The following SLC36A2 variants were observed in gnomAD, a reference collection of about 807,000 sequenced individuals.
SLC36A2 encodes the protein proton-coupled amino acid transporter 2.
A neutral mutation model predicts 42.7 loss-of-function variants in SLC36A2; 39 were observed. That is an observed-to-expected ratio of 0.91 (90% confidence interval 0.71 to 1.19). SLC36A2 has a LOEUF of 1.19. Among genes scored for constraint, SLC36A2 ranks in the 50% most tolerant of loss-of-function variants. The pLI is 0.00. For missense variants in SLC36A2, 590 were observed against 613.7 expected, an observed-to-expected ratio of 0.96 and a Z score of 0.41; for synonymous variants, 237 against 240.8, an observed-to-expected ratio of 0.98 and a Z score of 0.15.
chr5:151,316,765 AG>A lies in SLC36A2; in HGVS notation c.*51del. The A allele has an allele frequency of 2.5e-6, 3 of 1,198,408 alleles. No individual in the cohort carries two copies. The highest frequency in any genetic ancestry group is 3.6e-6 in the Non-Finnish European group (3 of 832,014). The allele number at this position is 1,198,408 out of a possible 1,614,324, so 74.2% of individuals were successfully genotyped here. A position where few individuals can be genotyped will look rare whatever the true frequency, so the allele number is the denominator to read the frequency against. On this transcript the variant is annotated 3_prime_UTR_variant, in exon 10 of 10. Coordinates refer to ENST00000335244, the MANE Select transcript of SLC36A2 (RefSeq NM_181776.3). ...CAAAAAAAAAAAAAAAAAAAAAAAGAGATCCATATAATTAAAAGTCGGGTGC... is the reference window on the plus strand; with the variant it reads ...CAAAAAAAAAAAAAAAAAAAAAAAGAATCCATATAATTAAAAGTCGGGTGC...
At position 151,343,594 on chromosome 5, in the gene SLC36A2, C is replaced by T; in HGVS notation, c.260G>A (p.Gly87Asp). 1 of 1,613,904 alleles carries T rather than the reference C, an allele frequency of 6.2e-7. No individual in the cohort carries two copies. The highest frequency in any genetic ancestry group is 8.5e-7 in the Non-Finnish European group (1 of 1,179,932). ...GCCCATCACCAGCAGACTGAGTGGG[C>T]CCATCTGGAGGAAGGGGAGGCAAGG... ...LAVKNAGILM[G>D]PLSLLVMGFI... The change falls in exon 3 of 10, where the codon GGC becomes GAC. Residue 87 changes from glycine (G) to aspartate (D), a missense_variant. By Grantham distance (94) the Gly-to-Asp change is moderately conservative (BLOSUM62 -1). Coordinates refer to ENST00000335244, the MANE Select transcript of SLC36A2 (RefSeq NM_181776.3).
At chr5:151,325,146 C>T (rs1755814775) in intron 8 of SLC36A2, 140 bp downstream of exon 8, 7 of 970,954 alleles carry the variant, frequency 7.2e-6, no homozygotes, top group South Asian at 4.2e-5. Context: ...ATCTGGAGAC[C>T]GTGGTTCCAA....
At chr5:151,323,558 G>A (rs535274271) in intron 8 of SLC36A2, among the ~76,000 whole-genome samples, 1 of 152,180 alleles carries the variant, frequency 6.6e-6, no homozygotes, top group African/African-American at 2.4e-5. Context: ...ACAACCACAA[G>A]CTAGTAGGCA....
At chr5:151,345,967 A>T (rs1281750270) in intron 1 of SLC36A2, among the ~76,000 whole-genome samples, 2 of 152,156 alleles carry the variant, frequency 1.3e-5, no homozygotes, top group Non-Finnish European at 2.9e-5. Flanking sequence ...AAGTTCCAGC[A>T]TTTGCTCTAG....
chr5:151,340,095 AGAGGAGAAGGAGGAGGAAGAAGAG>A (rs1404976965), intron 4 of SLC36A2, among the ~76,000 whole-genome samples: 14 of 149,058 alleles, frequency 9.4e-5, no homozygotes, highest in African/African-American at 2.0e-4. Flanking sequence ...GAGAGGAAAA[AGAGGAGAAGGAGGAGGAAGAAGAG>A]GAGGAGAAGG....
intron 8 of SLC36A2, among the ~76,000 whole-genome samples, chr5:151,324,581 C>T (rs1755798022): frequency 6.6e-6 from 1 of 152,178 alleles, no homozygotes; most frequent in South Asian, 2.1e-4. Flanking sequence ...ATCCACCCAC[C>T]CTGGCCTCCC....
chr5:151,340,135 GA>G (rs1756282762), intron 4 of SLC36A2, among the ~76,000 whole-genome samples: 3 of 129,990 alleles, frequency 2.3e-5, no homozygotes, highest in Non-Finnish European at 4.5e-5. Flanking sequence ...GAAGGAGGAG[GA>G]AGAAGAGGAG....
At chr5:151,325,523 T>G in intron 7 of SLC36A2, 71 bp from the exon 8 acceptor site, 6 of 1,491,634 alleles carry the variant, frequency 4.0e-6, no homozygotes, top group Non-Finnish European at 5.6e-6. Flanking sequence ...ATTCCACTTC[T>G]GGATGTCTAC....
intron 1 of SLC36A2, among the ~76,000 whole-genome samples, chr5:151,345,632 G>T (rs116668087): frequency 0.011 from 1,686 of 152,226 alleles, 27 homozygotes; most frequent in African/African-American, 0.038. Context: ...CACCCTACTC[G>T]CCAGGCTAGC....
Position 151,322,027 on chromosome 5 carries a change from C to T in SLC36A2, c.1180+19G>A, listed in dbSNP as rs748775578. The T allele has an allele frequency of 3.9e-5, 63 of 1,613,934 alleles. No individual in the cohort carries two copies. The highest frequency in any genetic ancestry group is 5.3e-5 in the Non-Finnish European group (63 of 1,179,962). On this transcript the variant is annotated intron_variant, in intron 9 of 9. Transcript: ENST00000335244. The stretch of plus-strand genomic sequence containing the variant: ...TCAGAAAAGATCAGCAGGAACACTG[C>T]ACTCTCCTTTCTACTCACATGTCAG...
At chr5:151,344,338 A>G in intron 1 of SLC36A2, 71 bp from the exon 2 acceptor site, 1 of 1,291,522 alleles carries the variant, frequency 7.7e-7, no homozygotes, top group Non-Finnish European at 1.1e-6. Flanking sequence ...ATTCCCTTGC[A>G]GCATGCCAGC....
chr5:151,340,216 G>A (rs1049274444), intron 4 of SLC36A2, among the ~76,000 whole-genome samples: 3 of 136,572 alleles, frequency 2.2e-5, no homozygotes, highest in Admixed American at 1.4e-4. Flanking sequence ...GGAGGAGGAG[G>A]GAGAGGAGGA....
intron 8 of SLC36A2, among the ~76,000 whole-genome samples, chr5:151,323,541 A>G (rs1057493184): frequency 1.3e-5 from 2 of 152,184 alleles, no homozygotes; most frequent in African/African-American, 4.8e-5. Context: ...GTTGAAGTAA[A>G]TCATCTACAA....
chr5:151,317,494 A>G (rs564820313), intron 9 of SLC36A2, among the ~76,000 whole-genome samples: 2 of 152,050 alleles, frequency 1.3e-5, no homozygotes, highest in Admixed American at 6.6e-5. Context: ...AAATGAACTA[A>G]TTGTTTCTCA....
chr5:151,340,512 CAG>C lies in SLC36A2; in HGVS notation c.441-1370_441-1369del, dbSNP rs765732187. ...TGTGCAGAATGAGGAGAGTAGAAGA[CAG>C]TGTTCAACCCTGGAGAACATCAACA... On this transcript the variant is annotated intron_variant, in intron 4 of 9. Coordinates refer to ENST00000335244, the MANE Select transcript of SLC36A2 (RefSeq NM_181776.3). Among the ~76,000 whole-genome samples, 27 of 152,028 alleles carry C rather than the reference CAG, an allele frequency of 1.8e-4. No individual in the cohort carries two copies. In the East Asian group the frequency reaches 1.9e-3, roughly 11 times the overall value.
At chr5:151,340,062 G>C (rs1029576694) in intron 4 of SLC36A2, among the ~76,000 whole-genome samples, 6 of 151,786 alleles carry the variant, frequency 4.0e-5, no homozygotes, top group African/African-American at 9.7e-5. Flanking sequence ...GACAAAGAGA[G>C]AGAGAAAAAG....
intron 9 of SLC36A2, among the ~76,000 whole-genome samples, chr5:151,318,815 CAAAG>C (rs1201823618): frequency 1.3e-5 from 2 of 151,924 alleles, no homozygotes; most frequent in African/African-American, 2.4e-5. Flanking sequence ...AAACCCCTAA[CAAAG>C]AAACACGAAA....
intron 7 of SLC36A2, among the ~76,000 whole-genome samples, chr5:151,328,529 A>G (rs1378175760): frequency 6.6e-6 from 1 of 152,098 alleles, no homozygotes; most frequent in Non-Finnish European, 1.5e-5. Context: ...GAGAATCTCT[A>G]TTTTTCTGTT....
At chr5:151,325,250 C>G in intron 8 of SLC36A2, 36 bp downstream of exon 8, 1 of 1,607,700 alleles carries the variant, frequency 6.2e-7, no homozygotes, top group Non-Finnish European at 8.5e-7. Context: ...TCCACCCATT[C>G]CTGAGTCCCC....
Sources: allele counts gnomAD v4.1 joint callset (sites outside exome capture counted in the v4.1 genomes callset), GRCh38; gene constraint gnomAD v4.1.1; transcripts MANE v1.5; gene names NCBI Gene and HGNC (gene_info 2026-07-23, HGNC 2026-07-21).